The following TM9SF3 variants were observed in gnomAD, a reference collection of about 807,000 sequenced individuals.
TM9SF3 encodes the protein transmembrane 9 superfamily member 3.
TM9SF3 carries 14 observed loss-of-function variants against 78.6 expected under a neutral mutation model. The observed-to-expected ratio is 0.18, with a 90% CI of 0.12 to 0.28. TM9SF3 has a LOEUF of 0.28. Among genes scored for constraint, TM9SF3 ranks in the 10% least tolerant of loss-of-function variants. TM9SF3 has a pLI of 1.00. For missense variants in TM9SF3, 496 were observed against 721.9 expected (o/e 0.69, Z 3.59); for synonymous variants, 231 against 241.7 (o/e 0.96, Z 0.41).
intron 9 of TM9SF3, among the ~76,000 whole-genome samples, chr10:96,542,469 C>G (rs1848045786): frequency 6.6e-6 from 1 of 152,038 alleles, no homozygotes; most frequent in African/African-American, 2.4e-5. Flanking sequence ...AGGCAAATTA[C>G]ACTGAATATT....
At chr10:96,533,422 C>A (rs1330537039) in intron 9 of TM9SF3, among the ~76,000 whole-genome samples, 1 of 152,142 alleles carries the variant, frequency 6.6e-6, no homozygotes, top group Non-Finnish European at 1.5e-5. Context: ...GTTTTCCATT[C>A]TTTCCTATTC....
intron 2 of TM9SF3, among the ~76,000 whole-genome samples, chr10:96,569,057 G>T (rs190126761): frequency 2.0e-5 from 3 of 152,156 alleles, no homozygotes; most frequent in Non-Finnish European, 4.4e-5. Context: ...GCATGGTGGT[G>T]TGTGCCTATA....
intron 7 of TM9SF3, among the ~76,000 whole-genome samples, chr10:96,549,392 G>C (rs1186675663): frequency 6.6e-6 from 1 of 152,012 alleles, no homozygotes; most frequent in African/African-American, 2.4e-5. Flanking sequence ...ATTAAGAAAA[G>C]AGTTCTGGAA....
chr10:96,532,780 G>A (rs1424741249), intron 10 of TM9SF3, among the ~76,000 whole-genome samples: 1 of 152,030 alleles, frequency 6.6e-6, no homozygotes, highest in African/African-American at 2.4e-5. Context: ...TAGTAAAACT[G>A]CAGCTTTAGT....
chr10:96,538,413 C>T (rs1381062574), intron 9 of TM9SF3, among the ~76,000 whole-genome samples: 1 of 151,958 alleles, frequency 6.6e-6, no homozygotes, highest in Non-Finnish European at 1.5e-5. Context: ...AATTTAAGAG[C>T]TAAAACTATA....
In TM9SF3 at chr10:96,569,625, C is replaced by A. The variant is rs115125514; in HGVS notation, c.299-4199G>T. ...ACCCTTTGATTCAGTAATTCTACTT[C>A]CAAGAATTCATCCTAATAACAGATT... On this transcript the variant is annotated intron_variant, in intron 2 of 14. Coordinates refer to ENST00000371142, the MANE Select transcript of TM9SF3 (RefSeq NM_020123.4). Among the ~76,000 whole-genome samples, 745 of 152,246 alleles carry A rather than the reference C, an allele frequency of 4.9e-3. 8 individuals are homozygous for A. Among genetic ancestry groups the A allele is most frequent in the African/African-American group, 0.017 (713 of 41,534 alleles).
chr10:96,521,008 A>G lies in TM9SF3; in HGVS notation c.*1255T>C. 2.5e-6 allele frequency: 1 copy of G among 396,008 alleles called. No individual in the cohort carries two copies. The highest frequency in any genetic ancestry group is 1.3e-4 in the South Asian group (1 of 7,832). The allele number at this position is 396,008 out of a possible 1,614,324, so 24.5% of individuals were successfully genotyped here. Reference sequence around the variant, plus strand: ...AATTTGGTCAGGAAATTTTATTTGAACATTCTAAAGCAATAATGCTTTAGA... The same window carrying G: ...AATTTGGTCAGGAAATTTTATTTGAGCATTCTAAAGCAATAATGCTTTAGA... On this transcript the variant is annotated 3_prime_UTR_variant, in exon 15 of 15. Transcript: ENST00000371142.
chr10:96,562,665 C>T (rs1848323305), intron 3 of TM9SF3, among the ~76,000 whole-genome samples: 1 of 152,130 alleles, frequency 6.6e-6, no homozygotes, highest in Admixed American at 6.5e-5. Context: ...ACCTCAACTG[C>T]TGGATCTGTC....
chr10:96,558,901 C>T (rs1848269245), intron 5 of TM9SF3, among the ~76,000 whole-genome samples: 1 of 152,148 alleles, frequency 6.6e-6, no homozygotes, highest in African/African-American at 2.4e-5. Flanking sequence ...AAGGGATACC[C>T]TTATGCCTTG....
At chr10:96,531,372 C>T (rs746395161) in intron 10 of TM9SF3, among the ~76,000 whole-genome samples, 55 of 148,150 alleles carry the variant, frequency 3.7e-4, no homozygotes, top group Non-Finnish European at 6.1e-4. Flanking sequence ...TGTCCAATTC[C>T]AAATACATGT....
At chr10:96,582,023 T>C (rs1408221366) in intron 1 of TM9SF3, among the ~76,000 whole-genome samples, 1 of 152,136 alleles carries the variant, frequency 6.6e-6, no homozygotes, top group Non-Finnish European at 1.5e-5. Context: ...TTGTCACTAG[T>C]AGCTCCCTAA....
chr10:96,539,807 A>G (rs1848001365), intron 9 of TM9SF3, among the ~76,000 whole-genome samples: 2 of 152,202 alleles, frequency 1.3e-5, no homozygotes, highest in African/African-American at 4.8e-5. Context: ...CAGAAAGGAA[A>G]AGAAAAATGT....
At chr10:96,541,413 C>T (rs748446840) in intron 9 of TM9SF3, among the ~76,000 whole-genome samples, 13 of 151,822 alleles carry the variant, frequency 8.6e-5, no homozygotes, top group Non-Finnish European at 1.9e-4. Flanking sequence ...TCTCACTCTG[C>T]CACCCAGGCT....
At chr10:96,565,452 A>G (rs1485729329) in intron 2 of TM9SF3, 26 bp from the exon 3 acceptor site, 4 of 1,528,604 alleles carry the variant, frequency 2.6e-6, no homozygotes, top group Admixed American at 2.6e-5. Context: ...ATTGCAAATT[A>G]GCCCACTAGT....
intron 9 of TM9SF3, among the ~76,000 whole-genome samples, chr10:96,543,436 G>A (rs1848059440): frequency 6.8e-6 from 1 of 146,484 alleles, no homozygotes; most frequent in African/African-American, 2.5e-5. Flanking sequence ...CCAGGTTCAT[G>A]CCATTCTCCT....
intron 8 of TM9SF3, among the ~76,000 whole-genome samples, chr10:96,544,880 C>A (rs1237134954): frequency 6.6e-6 from 1 of 151,848 alleles, no homozygotes; most frequent in African/African-American, 2.4e-5. Context: ...AGTTAGACAG[C>A]CTCTAAGTTT....
At chr10:96,584,260 C>CT (rs1248663717) in intron 1 of TM9SF3, among the ~76,000 whole-genome samples, 1 of 152,214 alleles carries the variant, frequency 6.6e-6, no homozygotes, top group East Asian at 1.9e-4. Context: ...GTATTATTCT[C>CT]TCTTTACTAG....
intron 2 of TM9SF3, among the ~76,000 whole-genome samples, chr10:96,571,230 G>A (rs748456417): frequency 1.3e-5 from 2 of 152,134 alleles, no homozygotes; most frequent in Admixed American, 6.5e-5. Context: ...ACAGATGTAG[G>A]ACTAAACACA....
intron 5 of TM9SF3, 81 bp downstream of exon 5, chr10:96,559,578 C>T: frequency 1.0e-6 from 1 of 979,512 alleles, no homozygotes; most frequent in Non-Finnish European, 1.5e-6. Flanking sequence ...CAACACAGTG[C>T]CCTGCAAATG....
Sources: allele counts gnomAD v4.1 joint callset (sites outside exome capture counted in the v4.1 genomes callset), GRCh38; gene constraint gnomAD v4.1.1; transcripts MANE v1.5; gene names NCBI Gene and HGNC (gene_info 2026-07-23, HGNC 2026-07-21).